Variants in FANCD2 observed in about 807,000 individuals in gnomAD.
FANCD2 encodes the protein Fanconi anemia group D2 protein.
A neutral mutation model predicts 192.3 loss-of-function variants in FANCD2; 131 were observed. That is an observed-to-expected ratio of 0.68 (90% confidence interval 0.59 to 0.79). The LOEUF is 0.79. Among genes scored for constraint, FANCD2 ranks in the 30% least tolerant of loss-of-function variants. The pLI is 0.00. For missense variants in FANCD2, 1,508 were observed against 1,701.6 expected (o/e 0.89, Z 2.00); for synonymous variants, 524 against 612.5 (o/e 0.86, Z 2.13).
At chr3:10,062,247 C>CTTT (rs751474920) in intron 20 of FANCD2, 36 bp downstream of exon 20, 114 of 1,339,232 alleles carry the variant, frequency 8.5e-5, no homozygotes, top group Non-Finnish European at 9.6e-5. Context: ...TTTTTCCTGT[C>CTTT]TTTTTTTTTT....
chr3:10,095,207 T>C lies in FANCD2; in HGVS notation c.3971T>C (p.Val1324Ala), dbSNP rs1455546700. The C allele has an allele frequency of 5.6e-6, 9 of 1,613,558 alleles. No individual in the cohort carries two copies. In the African/African-American group the frequency reaches 1.2e-4, roughly 22 times the overall value. Residue 1324 changes from valine to alanine, a missense_variant, in exon 41 of 44, where the codon GTT (valine) becomes GCT (alanine). Transcript: ENST00000675286. ...DFSFRKHRED[V>A]LSLLETFQLD... ...TAAACTTATTGGTTATAGGAAGATG[T>C]TCTGAGCTTACTGGAAACCTTCCAG... is the stretch of plus-strand genomic sequence containing the variant.
intron 43 of FANCD2, chr3:10,099,281 G>T: frequency 7.9e-7 from 1 of 1,267,568 alleles, no homozygotes; most frequent in Non-Finnish European, 1.0e-6. Context: ...AAGTTCTTAC[G>T]CTTTTTTGTG....
intron 37 of FANCD2, among the ~76,000 whole-genome samples, chr3:10,091,557 C>T (rs34080457): frequency 2.0e-5 from 3 of 152,054 alleles, no homozygotes; most frequent in Non-Finnish European, 4.4e-5. Flanking sequence ...TGTCTAGCTC[C>T]GTTCTGGTTA....
At chr3:10,062,333 C>G in intron 20 of FANCD2, 122 bp downstream of exon 20, 1 of 744,340 alleles carries the variant, frequency 1.3e-6, no homozygotes, top group Non-Finnish European at 2.3e-6. Flanking sequence ...CTCCACCTCT[C>G]AGGTTCAAGT....
At chr3:10,075,824 G>A (rs1000979797) in intron 29 of FANCD2, among the ~76,000 whole-genome samples, 6 of 136,608 alleles carry the variant, frequency 4.4e-5, no homozygotes, top group Non-Finnish European at 7.6e-5. Context: ...TCCGCCTCCC[G>A]GGTTCACACC....
intron 18 of FANCD2, among the ~76,000 whole-genome samples, chr3:10,053,984 G>A (rs1401263863): frequency 6.6e-6 from 1 of 152,080 alleles, no homozygotes; most frequent in Admixed American, 6.6e-5. Flanking sequence ...GCCAAGGCAG[G>A]CGAATCACAT....
intron 17 of FANCD2, among the ~76,000 whole-genome samples, chr3:10,050,563 C>T (rs1374026241): frequency 7.2e-6 from 1 of 139,142 alleles, no homozygotes. Flanking sequence ...GCGGAGCTTG[C>T]AGTGAGCCAA....
Position 10,065,882 on chromosome 3 carries a change from C to A in FANCD2, c.2288C>A (p.Thr763Asn), listed in dbSNP as rs747329331. The A allele has an allele frequency of 9.9e-6, 16 of 1,611,306 alleles. No individual in the cohort carries two copies. Among genetic ancestry groups the A allele is most frequent in the Non-Finnish European group, 1.7e-6 (2 of 1,177,522 alleles). Residue 763 changes from threonine to asparagine, a missense_variant, in exon 25 of 44, where the codon ACT becomes AAT. Physicochemically the swap from Thr to Asn is moderately conservative, Grantham distance 65. This residue lies in a region of FANCD2 where 796 missense variants were observed against 879.4 expected (regional missense o/e 0.91). Transcript: ENST00000675286. ...CTCTCAGATTGTCCTATATTCCTAACTGACCTGGAGCCTGGAGAGAAGTTG... is the reference window on the plus strand; with the variant it reads ...CTCTCAGATTGTCCTATATTCCTAAATGACCTGGAGCCTGGAGAGAAGTTG... ...DGLLDCPIFL[T>N]DLEPGEKLES...
At chr3:10,072,678 G>C (rs1048723132) in intron 26 of FANCD2, among the ~76,000 whole-genome samples, 193 bp from the exon 27 acceptor site, 4 of 152,216 alleles carry the variant, frequency 2.6e-5, no homozygotes, top group African/African-American at 9.6e-5. Flanking sequence ...TACTTAATAT[G>C]ATATTTCTGT....
intron 32 of FANCD2, among the ~76,000 whole-genome samples, chr3:10,084,234 T>C (rs1202002246): frequency 6.6e-6 from 1 of 151,438 alleles, no homozygotes; most frequent in African/African-American, 2.4e-5. Context: ...CCCCGTGATC[T>C]ACCCACCTCA....
chr3:10,055,487 C>T (rs1002239484), intron 18 of FANCD2, among the ~76,000 whole-genome samples: 5 of 152,140 alleles, frequency 3.3e-5, no homozygotes, highest in African/African-American at 1.2e-4. Flanking sequence ...TTGTAGCATG[C>T]ATCAGAACTT....
At chr3:10,089,898 C>G (rs2125080311) in intron 36 of FANCD2, among the ~76,000 whole-genome samples, 1 of 152,316 alleles carries the variant, frequency 6.6e-6, no homozygotes. Context: ...TTCACTTTAT[C>G]TCATTTGATC....
rs751747933 is a variant in FANCD2, at chr3:10,046,700, A to G, written c.1255A>G (p.Ser419Gly). 10 of 1,612,652 alleles carry G rather than the reference A, an allele frequency of 6.2e-6. No homozygotes were observed. Among genetic ancestry groups the G allele is most frequent in the Middle Eastern group, 1.6e-4 (1 of 6,082 alleles). The change falls in exon 15 of 44, where the codon AGT (serine) becomes GGT (glycine). Residue 419 changes from serine to glycine, a missense_variant. Transcript: ENST00000675286. ...SGCIQEQLLQ[S>G]TFSVHYLVLK... is the part of the protein sequence containing the mutation. ...CTGCATTCAAGAACAGCTGCTCCAGAGTACATTCTCTGTTCATTACTTAGT... is the reference window on the plus strand; with the variant it reads ...CTGCATTCAAGAACAGCTGCTCCAGGGTACATTCTCTGTTCATTACTTAGT...
intron 37 of FANCD2, among the ~76,000 whole-genome samples, chr3:10,091,914 C>T (rs45573142): frequency 3.5e-4 from 54 of 152,246 alleles, no homozygotes; most frequent in Non-Finnish European, 6.2e-4. Context: ...CCAACATGGT[C>T]AGTATATGTT....
intron 32 of FANCD2, among the ~76,000 whole-genome samples, chr3:10,083,887 CAAAAAA>C (rs1301118343): frequency 2.3e-5 from 1 of 43,842 alleles, no homozygotes; most frequent in Non-Finnish European, 4.8e-5. Context: ...GACTCCGTCT[CAAAAAA>C]AAAAAAAAAA....
Position 10,052,508 on chromosome 3 carries a change from A to G in FANCD2, c.1656+11A>G, listed in dbSNP as rs570587080. The G allele has an allele frequency of 5.7e-6, 9 of 1,577,070 alleles. No individual in the cohort carries two copies. Among genetic ancestry groups the G allele is most frequent in the African/African-American group, 4.1e-5 (3 of 72,510 alleles). On this transcript the variant is annotated intron_variant, in intron 18 of 43. Transcript: ENST00000675286. ...AGCAGCCACATCCAGGTAAGAGGCA[A>G]TATGTTGGGAAAGATTTTTTTTTTT... is the stretch of plus-strand genomic sequence containing the variant.
At chr3:10,069,006 TAAATC>T (rs1438548032) in intron 26 of FANCD2, among the ~76,000 whole-genome samples, 4 of 152,202 alleles carry the variant, frequency 2.6e-5, no homozygotes, top group Non-Finnish European at 5.9e-5. Context: ...ATTATAGACT[TAAATC>T]TAAGACTTCA....
Position 10,090,744 on chromosome 3 carries a change from C to T in FANCD2, c.3777+359C>T, listed in dbSNP as rs150540355. ...AAGTGCTGAGATTACAGACGTGCGC[C>T]ACTGCGCCCGGTGGTAGTTGCTGAT... is the stretch of plus-strand genomic sequence containing the variant. On this transcript the variant is annotated intron_variant, in intron 37 of 43. Transcript: ENST00000675286. 2.9e-3 allele frequency among the ~76,000 whole-genome samples: 436 copies of T among 152,344 alleles called. 3 individuals carry two copies. The highest frequency in any genetic ancestry group is 0.01 in the African/African-American group (420 of 41,588).
chr3:10,040,059 C>T (rs2086828332), intron 9 of FANCD2: 2 of 521,866 alleles, frequency 3.8e-6, no homozygotes, highest in Admixed American at 3.7e-5. Flanking sequence ...TTTTCTGAGA[C>T]AGTCTTGCTC....
Sources: gnomAD v4.1 joint callset for allele counts (sites outside exome capture counted in the v4.1 genomes callset) on GRCh38, gnomAD v4.1.1 for gene constraint, gnomAD v4.1.1 regional missense constraint, MANE v1.5 for transcripts, NCBI Gene and HGNC (gene_info 2026-07-23, HGNC 2026-07-21) for gene names.